Variants in ROBO1 observed in about 807,000 individuals in gnomAD.
ROBO1 encodes the protein roundabout homolog 1.
In ROBO1, 149 loss-of-function variants were observed where a neutral mutation model predicts 195.9. The observed-to-expected ratio is 0.76, with a 90% CI of 0.67 to 0.87. The LOEUF (loss-of-function observed/expected upper bound fraction) is 0.87, where lower values mean the gene tolerates loss of function less well. Ranked by LOEUF, ROBO1 falls within the 40% of genes least tolerant of loss-of-function variation. The probability of loss-of-function intolerance (pLI) is 0.00; values close to 1 mark genes in which losing one functional copy is unlikely to be tolerated. For missense variants in ROBO1, 1,933 were observed against 2,068.3 expected, an observed-to-expected ratio of 0.93 and a Z score of 1.27; for synonymous variants, 816 against 733.2, an observed-to-expected ratio of 1.11 and a Z score of -1.82.
In ROBO1 at chr3:79,467,487, A is replaced by G. The variant is rs1575866053; in HGVS notation, c.88+122337T>C. On this transcript the variant is annotated intron_variant, in intron 2 of 30. Coordinates refer to ENST00000464233, the MANE Select transcript of ROBO1 (RefSeq NM_002941.4). ...AGCAGACAAGCAGAAGAGCAAAGGA[A>G]CAGAAGGGAGGCATGATAGAGAAGG... 2.0e-5 allele frequency among the ~76,000 whole-genome samples: 3 copies of G among 151,536 alleles called. No individual in the cohort carries two copies. In the South Asian group the frequency reaches 6.3e-4, roughly 32 times the overall value.
intron 2 of ROBO1, among the ~76,000 whole-genome samples, chr3:79,280,846 A>C (rs928706843): frequency 6.6e-6 from 1 of 152,168 alleles, no homozygotes; most frequent in African/African-American, 2.4e-5. Flanking sequence ...AGCTCCTATG[A>C]GAATCTAATG....
chr3:79,650,035 C>T (rs1945956431), intron 1 of ROBO1, among the ~76,000 whole-genome samples: 1 of 151,680 alleles, frequency 6.6e-6, no homozygotes, highest in Non-Finnish European at 1.5e-5. Flanking sequence ...TTCTAAGACA[C>T]TTTGAACAAT....
chr3:79,230,740 C>T (rs926767576), intron 2 of ROBO1, among the ~76,000 whole-genome samples: 5 of 151,754 alleles, frequency 3.3e-5, no homozygotes, highest in East Asian at 1.9e-4. Flanking sequence ...ATTCTTTATA[C>T]GAGACCAAAA....
chr3:79,599,908 TTTC>T (rs1322788023), intron 1 of ROBO1, among the ~76,000 whole-genome samples: 70 of 152,000 alleles, frequency 4.6e-4, no homozygotes, highest in African/African-American at 1.5e-3. Flanking sequence ...TTTCTTTTTC[TTTC>T]TTATTTTATA....
At chr3:79,482,435 T>C (rs958888904) in intron 2 of ROBO1, among the ~76,000 whole-genome samples, 1 of 152,160 alleles carries the variant, frequency 6.6e-6, no homozygotes, top group Admixed American at 6.5e-5. Flanking sequence ...CAAGATCTAA[T>C]GGTTTTATAA....
At position 78,634,094 on chromosome 3, in the gene ROBO1, G is replaced by A. The variant is rs370701132; in HGVS notation, c.3374-52C>T. 375 of 1,189,296 alleles carry A rather than the reference G, an allele frequency of 3.2e-4. 2 individuals carry two copies. In the African/African-American group the frequency reaches 5.2e-3, roughly 17 times the overall value. 73.7% of individuals were successfully genotyped at this position (1,189,296 alleles called of 1,614,324 possible). The stretch of plus-strand genomic sequence containing the variant: ...AAACATTTATTTTCTCTTCATGAGC[G>A]ATTTCACATCTCTGCTTTCTCTATA... On this transcript the variant is annotated intron_variant, in intron 23 of 30. Coordinates refer to ENST00000464233, the MANE Select transcript of ROBO1 (RefSeq NM_002941.4).
intron 3 of ROBO1, among the ~76,000 whole-genome samples, chr3:78,952,943 T>C (rs1167542001): frequency 1.3e-5 from 2 of 152,106 alleles, no homozygotes; most frequent in Non-Finnish European, 2.9e-5. Context: ...ATTTATCATC[T>C]AAAATGGTTA....
chr3:79,647,705 C>A (rs563297713), intron 1 of ROBO1, among the ~76,000 whole-genome samples: 1 of 152,108 alleles, frequency 6.6e-6, no homozygotes, highest in South Asian at 2.1e-4. Flanking sequence ...AGAAGCCCTG[C>A]TTTAGGGACT....
chr3:79,690,555 A>G (rs1162501085), intron 1 of ROBO1, among the ~76,000 whole-genome samples: 1 of 152,038 alleles, frequency 6.6e-6, no homozygotes, highest in Non-Finnish European at 1.5e-5. Context: ...ATTGTGTTAG[A>G]TGTCCAACCT....
chr3:78,846,988 C>G (rs1383316099), intron 4 of ROBO1, among the ~76,000 whole-genome samples: 1 of 152,086 alleles, frequency 6.6e-6, no homozygotes, highest in Non-Finnish European at 1.5e-5. Context: ...CTGCTCAGAT[C>G]TCAACACTTA....
chr3:78,718,994 T>C (rs1485576547), intron 5 of ROBO1, among the ~76,000 whole-genome samples: 1 of 152,226 alleles, frequency 6.6e-6, no homozygotes, highest in African/African-American at 2.4e-5. Context: ...CTCACAGTTT[T>C]GAATGCCTAA....
At chr3:79,704,927 G>C (rs1947723264) in intron 1 of ROBO1, among the ~76,000 whole-genome samples, 1 of 151,934 alleles carries the variant, frequency 6.6e-6, no homozygotes, top group African/African-American at 2.4e-5. Flanking sequence ...GCGTTTCCCT[G>C]ATGACATATG....
At chr3:79,203,829 C>G (rs753759030) in intron 2 of ROBO1, among the ~76,000 whole-genome samples, 2 of 152,226 alleles carry the variant, frequency 1.3e-5, no homozygotes, top group South Asian at 2.1e-4. Flanking sequence ...GTAACATCAT[C>G]GGTGGTGTGA....
intron 8 of ROBO1, among the ~76,000 whole-genome samples, chr3:78,689,514 GTC>G (rs2081122801): frequency 6.6e-6 from 1 of 151,288 alleles, no homozygotes; most frequent in African/African-American, 2.4e-5. Context: ...TGCTGATGGA[GTC>G]ACTTCTGGGA....
intron 10 of ROBO1, among the ~76,000 whole-genome samples, chr3:78,681,355 G>T (rs2080903364): frequency 6.6e-6 from 1 of 151,944 alleles, no homozygotes; most frequent in African/African-American, 2.4e-5. Flanking sequence ...AATCTATGGA[G>T]CATTTGCCAC....
intron 2 of ROBO1, among the ~76,000 whole-genome samples, chr3:79,279,631 T>C (rs1050359828): frequency 6.6e-6 from 1 of 152,144 alleles, no homozygotes; most frequent in African/African-American, 2.4e-5. Context: ...AAGGAAATCA[T>C]TCTACTGAAG....
intron 2 of ROBO1, among the ~76,000 whole-genome samples, chr3:79,579,813 T>G (rs138301876): frequency 6.6e-6 from 1 of 151,962 alleles, no homozygotes; most frequent in African/African-American, 2.4e-5. Context: ...GTGAAAGAGA[T>G]AGGAAAAAAG....
At chr3:78,737,436 T>C (rs1054391221) in intron 5 of ROBO1, among the ~76,000 whole-genome samples, 2 of 152,286 alleles carry the variant, frequency 1.3e-5, no homozygotes, top group East Asian at 1.9e-4. Context: ...CCATTACTAA[T>C]AGGTATTAAG....
chr3:79,044,409 A>G (rs981479389), intron 3 of ROBO1, among the ~76,000 whole-genome samples: 2 of 152,192 alleles, frequency 1.3e-5, no homozygotes, highest in Non-Finnish European at 2.9e-5. Context: ...CATTTAATTT[A>G]ATAGCCAATG....
Sources: allele counts gnomAD v4.1 joint callset (sites outside exome capture counted in the v4.1 genomes callset), GRCh38; gene constraint gnomAD v4.1.1; transcripts MANE v1.5; gene names NCBI Gene and HGNC (gene_info 2026-07-23, HGNC 2026-07-21).